FOXP2: variants seen among roughly 807,000 people sequenced by gnomAD.
FOXP2 encodes forkhead box protein P2.
Under a neutral mutation model 115.8 loss-of-function variants are expected in FOXP2, and 12 were observed. The observed-to-expected ratio is 0.10, with a 90% CI of 0.07 to 0.17. The LOEUF is 0.17. Ranked by LOEUF, FOXP2 falls within the 10% of genes least tolerant of loss-of-function variation. The pLI, the probability that FOXP2 is intolerant of heterozygous loss-of-function variation, is 1.00. For missense variants in FOXP2, 629 were observed against 843.5 expected (o/e 0.75, Z 3.15); for synonymous variants, 328 against 297.7 (o/e 1.10, Z -1.05).
intron 1 of FOXP2, among the ~76,000 whole-genome samples, chr7:114,223,977 C>T (rs1468844883): frequency 6.6e-6 from 1 of 152,012 alleles, no homozygotes; most frequent in East Asian, 1.9e-4. Flanking sequence ...CTGACTTCTT[C>T]ATCTAAGTCT....
intron 2 of FOXP2, among the ~76,000 whole-genome samples, chr7:114,452,273 C>T (rs1795107154): frequency 6.6e-6 from 1 of 151,872 alleles, no homozygotes; most frequent in Admixed American, 6.6e-5. Flanking sequence ...TTCAGATTGA[C>T]AGTGAGCCAC....
chr7:114,089,124 T>C (rs536069284), intron 1 of FOXP2, among the ~76,000 whole-genome samples: 2 of 152,252 alleles, frequency 1.3e-5, no homozygotes, highest in African/African-American at 4.8e-5. Context: ...GTCGTCAGTC[T>C]AGTTAAATGC....
chr7:114,434,606 C>A (rs546650868), intron 2 of FOXP2, among the ~76,000 whole-genome samples: 2 of 151,860 alleles, frequency 1.3e-5, no homozygotes, highest in Admixed American at 1.3e-4. Context: ...AAAATTTACG[C>A]TAAAAATCTG....
chr7:114,094,981 A>T (rs923875), intron 1 of FOXP2, among the ~76,000 whole-genome samples: 2 of 151,958 alleles, frequency 1.3e-5, no homozygotes, highest in African/African-American at 4.8e-5. Flanking sequence ...AATCTCAGTG[A>T]ACTCTCCTTT....
intron 1 of FOXP2, among the ~76,000 whole-genome samples, chr7:114,089,723 T>A (rs191505784): frequency 1.3e-5 from 2 of 151,950 alleles, no homozygotes; most frequent in East Asian, 3.9e-4. Flanking sequence ...TAGTTGTATG[T>A]GGCACACCAT....
At chr7:114,672,248 C>T (rs1807527101) in intron 16 of FOXP2, among the ~76,000 whole-genome samples, 1 of 152,204 alleles carries the variant, frequency 6.6e-6, no homozygotes, top group African/African-American at 2.4e-5. Flanking sequence ...TGTTAATTAG[C>T]AAGTCAAAGA....
intron 1 of FOXP2, among the ~76,000 whole-genome samples, chr7:114,166,534 C>T (rs116360141): frequency 5.3e-4 from 81 of 152,160 alleles, no homozygotes; most frequent in African/African-American, 1.7e-3. Flanking sequence ...GAATCCTTGT[C>T]GCTACTGAAA....
intron 16 of FOXP2, chr7:114,669,108 TA>T (rs1272506332): frequency 1.3e-5 from 2 of 152,028 alleles, no homozygotes; most frequent in Non-Finnish European, 2.9e-5. Flanking sequence ...TTTACGTGAG[TA>T]AAAAGTGGCT....
chr7:114,086,387 A>C (rs1274160097), upstream of FOXP2: 3 of 365,390 alleles, frequency 8.2e-6, no homozygotes, highest in Non-Finnish European at 1.6e-5. Flanking sequence ...CCCTAGCTCT[A>C]GCCCCGCGCC....
intron 3 of FOXP2, among the ~76,000 whole-genome samples, chr7:114,560,793 C>G (rs1029330816): frequency 2.0e-5 from 3 of 152,044 alleles, no homozygotes; most frequent in African/African-American, 7.2e-5. Context: ...ACATTTAATC[C>G]TAATTTTGAC....
intron 2 of FOXP2, among the ~76,000 whole-genome samples, chr7:114,355,475 T>A (rs946859199): frequency 3.9e-5 from 6 of 152,184 alleles, no homozygotes; most frequent in African/African-American, 1.4e-4. Flanking sequence ...AATAATGCAC[T>A]TAGGTCAGAA....
chr7:114,431,991 T>A (rs1794133051), intron 2 of FOXP2, among the ~76,000 whole-genome samples: 1 of 151,974 alleles, frequency 6.6e-6, no homozygotes, highest in Non-Finnish European at 1.5e-5. Context: ...AGCTATGCTT[T>A]TAGCAATAGT....
chr7:114,577,227 T>C (rs1258969293), intron 3 of FOXP2, among the ~76,000 whole-genome samples: 1 of 151,910 alleles, frequency 6.6e-6, no homozygotes, highest in African/African-American at 2.4e-5. Flanking sequence ...ACATAGGATG[T>C]CAGGTTAAGC....
At chr7:114,627,401 A>C (rs1440247483) in intron 3 of FOXP2, among the ~76,000 whole-genome samples, 1 of 152,060 alleles carries the variant, frequency 6.6e-6, no homozygotes, top group African/African-American at 2.4e-5. Flanking sequence ...AGTGATTACT[A>C]TTTCAAAGGT....
intron 1 of FOXP2, among the ~76,000 whole-genome samples, chr7:114,176,472 T>C (rs1793314690): frequency 6.6e-6 from 1 of 151,734 alleles, no homozygotes; most frequent in African/African-American, 2.4e-5. Context: ...CCTGAGTAGC[T>C]GGGACTACAG....
At chr7:114,145,097 C>T (rs1792329367) in intron 1 of FOXP2, among the ~76,000 whole-genome samples, 1 of 152,054 alleles carries the variant, frequency 6.6e-6, no homozygotes, top group African/African-American at 2.4e-5. Context: ...ATACTGAGTA[C>T]CAATTCTACC....
intron 2 of FOXP2, among the ~76,000 whole-genome samples, chr7:114,476,088 G>T (rs1449109538): frequency 5.6e-3 from 767 of 136,560 alleles, no homozygotes; most frequent in African/African-American, 0.014. Context: ...GGATACTTGG[G>T]TTTTTTTTTT....
chr7:114,416,581 A>AATAGTGTG (rs1394630925), intron 1 of FOXP2, among the ~76,000 whole-genome samples: 2 of 150,804 alleles, frequency 1.3e-5, no homozygotes, highest in Non-Finnish European at 2.9e-5. Flanking sequence ...TTTCACCGTC[A>AATAGTGTG]ATAGTGTGTG....
At chr7:114,602,179 A>G (rs1342171070) in intron 3 of FOXP2, among the ~76,000 whole-genome samples, 2 of 152,090 alleles carry the variant, frequency 1.3e-5, no homozygotes. Context: ...AAGAGAAAGC[A>G]TATTTAGAAT....
Sources: allele counts gnomAD v4.1 joint callset (sites outside exome capture counted in the v4.1 genomes callset), GRCh38; gene constraint gnomAD v4.1.1; transcripts MANE v1.5; gene names NCBI Gene and HGNC (gene_info 2026-07-23, HGNC 2026-07-21).